BLMH: variants seen among roughly 807,000 people sequenced by gnomAD.
The protein encoded by BLMH is BLM hydrolase.
Under a neutral mutation model 61.6 loss-of-function variants are expected in BLMH, and 32 were observed. The ratio of observed to expected loss-of-function variants is 0.52; its 90% CI spans 0.39 to 0.70. The LOEUF is 0.70. BLMH is among the 30% of genes least tolerant of loss of function. The pLI, the probability that BLMH is intolerant of heterozygous loss-of-function variation, is 0.00. For synonymous variants in BLMH, 183 were observed against 193.8 expected (o/e 0.94, Z 0.46); for missense variants, 460 against 555.5 (o/e 0.83, Z 1.73).
intron 11 of BLMH, among the ~76,000 whole-genome samples, chr17:30,256,140 G>A (rs979503401): frequency 6.6e-6 from 1 of 152,058 alleles, no homozygotes; most frequent in Non-Finnish European, 1.5e-5. Flanking sequence ...TCCTGTTTTG[G>A]CCTCCCAAAC....
chr17:30,261,653 C>T (rs2143020555), intron 11 of BLMH, among the ~76,000 whole-genome samples: 1 of 152,306 alleles, frequency 6.6e-6, no homozygotes, highest in Middle Eastern at 3.4e-3. Flanking sequence ...TTATTAGTAA[C>T]TGTCTCTCCA....
At chr17:30,249,662 T>C (rs1907619724) in intron 11 of BLMH, 1 of 153,122 alleles carries the variant, frequency 6.5e-6, no homozygotes, top group Non-Finnish European at 1.5e-5. Flanking sequence ...TATCACACAC[T>C]CCTACAACAA....
At position 30,274,033 on chromosome 17, in the gene BLMH, T is replaced by C. The variant is rs758033039; in HGVS notation, c.801+9A>G. On this transcript the variant is annotated intron_variant, in intron 7 of 11. Transcript: ENST00000261714. The stretch of plus-strand genomic sequence containing the variant: ...AAACAGCCAGTGACTACCAGTGCCA[T>C]TCACCAACCTTATCTTCCATATTGA... 22 of 1,613,932 alleles carry C rather than the reference T, an allele frequency of 1.4e-5. No homozygotes were observed. Among genetic ancestry groups the C allele is most frequent in the Non-Finnish European group, 1.6e-5 (19 of 1,179,970 alleles).
chr17:30,270,708 G>A (rs980408035), intron 10 of BLMH, among the ~76,000 whole-genome samples: 1 of 152,090 alleles, frequency 6.6e-6, no homozygotes, highest in African/African-American at 2.4e-5. Context: ...ATTTGTGAAA[G>A]ATAAAATTTC....
In BLMH at chr17:30,274,013, GCCAGTGACTA is replaced by G. The variant is rs1348321514; in HGVS notation, c.801+19_801+28del. 6.2e-7 allele frequency: 1 copy of G among 1,612,658 alleles called. No individual in the cohort carries two copies. The highest frequency in any genetic ancestry group is 1.3e-5 in the African/African-American group (1 of 74,964). On this transcript the variant is annotated intron_variant, in intron 7 of 11. Coordinates refer to ENST00000261714, the MANE Select transcript of BLMH (RefSeq NM_000386.4). Reference sequence around the variant, plus strand: ...GTTAACAGCCATTTGAAAGTAAACAGCCAGTGACTACCAGTGCCATTCACCAACCTTATCT... The same window carrying G: ...GTTAACAGCCATTTGAAAGTAAACAGCCAGTGCCATTCACCAACCTTATCT...
In BLMH at chr17:30,285,243, G is replaced by GT; in HGVS notation, c.645+144dup. On this transcript the variant is annotated intron_variant, in intron 6 of 11. Transcript: ENST00000261714. ...AAAGGCAAAGTAAGTTTTAAGCTCA[G>GT]TTTTTTCAGTGTAAAATAAGTAATT... 4.9e-6 allele frequency: 3 copies of GT among 614,292 alleles called. No homozygotes were observed. The South Asian group carries it at 8.0e-5, about 16-fold the overall frequency. 38.1% of individuals were successfully genotyped at this position (614,292 alleles called of 1,614,324 possible).
intron 6 of BLMH, among the ~76,000 whole-genome samples, chr17:30,276,176 C>T (rs7209807): frequency 0.084 from 12,814 of 152,198 alleles, 841 homozygotes; most frequent in African/African-American, 0.17. Context: ...TCCTTGGCTA[C>T]AGGATTTAAA....
At chr17:30,273,684 C>G in intron 7 of BLMH, 1 of 260,182 alleles carries the variant, frequency 3.8e-6, no homozygotes, top group Non-Finnish European at 7.2e-6. Context: ...GAGAGTTCCC[C>G]GAGGGGACCT....
In BLMH at chr17:30,285,391, C is replaced by T. The variant is rs1212107950; in HGVS notation, c.642G>A (p.Glu214=). The T allele has an allele frequency of 6.2e-7, 1 of 1,606,902 alleles. No homozygotes were observed. The highest frequency in any genetic ancestry group is 1.1e-5 in the South Asian group (1 of 89,590). Residue 214 remains glutamate, a synonymous_variant, in exon 6 of 12, where the codon GAG becomes GAA. Transcript: ENST00000261714. ...EISATQDVMM[E]EIFRVVCICL... is the part of the protein sequence containing the mutation. The stretch of plus-strand genomic sequence containing the variant: ...AAAATCCAAATTTTGTTATTACCTC[C>T]TCCATCATGACGTCCTGTGTGGCCG...
chr17:30,291,760 C>G lies in BLMH; in HGVS notation c.13+47G>C, dbSNP rs552838663. On this transcript the variant is annotated intron_variant, in intron 1 of 11. Transcript: ENST00000261714. Reference sequence around the variant, plus strand: ...CCCCGCCGCCGGGCCTCACGGGGACCGCGGAGCTCCTCCAGAGGACCGCGG... The same window carrying G: ...CCCCGCCGCCGGGCCTCACGGGGACGGCGGAGCTCCTCCAGAGGACCGCGG... The G allele has an allele frequency of 6.3e-5, 90 of 1,421,532 alleles. 1 individual carries two copies. In the African/African-American group the frequency reaches 1.2e-3, roughly 18 times the overall value. 88.1% of individuals were successfully genotyped at this position (1,421,532 alleles called of 1,614,324 possible).
chr17:30,271,780 G>A (rs142842759), intron 9 of BLMH, among the ~76,000 whole-genome samples: 2 of 152,270 alleles, frequency 1.3e-5, no homozygotes, highest in Admixed American at 6.5e-5. Flanking sequence ...AATCACTGCT[G>A]ATTAAAATTT....
At chr17:30,260,629 C>T (rs1245944195) in intron 11 of BLMH, among the ~76,000 whole-genome samples, 1 of 152,138 alleles carries the variant, frequency 6.6e-6, no homozygotes, top group African/African-American at 2.4e-5. Flanking sequence ...CCTGTAATCC[C>T]AGCACTTTGG....
intron 11 of BLMH, among the ~76,000 whole-genome samples, chr17:30,257,812 A>C (rs1397378491): frequency 6.6e-6 from 1 of 152,176 alleles, no homozygotes; most frequent in Non-Finnish European, 1.5e-5. Context: ...CATAGGGCTC[A>C]GCTTCTTCCA....
intron 6 of BLMH, among the ~76,000 whole-genome samples, chr17:30,280,028 G>A (rs922258933): frequency 6.6e-6 from 1 of 152,138 alleles, no homozygotes; most frequent in African/African-American, 2.4e-5. Flanking sequence ...AAGGAAAGAT[G>A]CAGCAGTTGA....
chr17:30,255,414 A>G (rs2143019765), intron 11 of BLMH, among the ~76,000 whole-genome samples: 1 of 152,342 alleles, frequency 6.6e-6, no homozygotes, highest in Non-Finnish European at 1.5e-5. Flanking sequence ...CCCTGTCTTA[A>G]GCAATGCTTA....
chr17:30,275,026 C>A (rs1482875211), intron 6 of BLMH, among the ~76,000 whole-genome samples: 4 of 142,406 alleles, frequency 2.8e-5, no homozygotes, highest in Non-Finnish European at 6.1e-5. Context: ...CTCCTGAGGG[C>A]TGAGTCATGG....
intron 7 of BLMH, chr17:30,273,210 A>T (rs1908326988): frequency 4.9e-6 from 1 of 205,598 alleles, no homozygotes; most frequent in Admixed American, 5.8e-5. Flanking sequence ...TCTGTCGCCC[A>T]GGCTGGAGTG....
chr17:30,250,603 T>C (rs1320471432), intron 11 of BLMH, among the ~76,000 whole-genome samples: 1 of 152,228 alleles, frequency 6.6e-6, no homozygotes, highest in Non-Finnish European at 1.5e-5. Context: ...TTGGTGTGGA[T>C]GTGGTGAAAA....
At chr17:30,260,075 A>C (rs1053547794) in intron 11 of BLMH, among the ~76,000 whole-genome samples, 5 of 152,174 alleles carry the variant, frequency 3.3e-5, no homozygotes, top group African/African-American at 1.2e-4. Context: ...AGCACTTCTT[A>C]TGCGCCTCAC....
Sources: allele counts gnomAD v4.1 joint callset (sites outside exome capture counted in the v4.1 genomes callset), GRCh38; gene constraint gnomAD v4.1.1; transcripts MANE v1.5; gene names NCBI Gene and HGNC (gene_info 2026-07-23, HGNC 2026-07-21).